The following KCNT2 variants were observed in gnomAD, a reference collection of about 807,000 sequenced individuals.
KCNT2 encodes the protein potassium channel subfamily T member 2.
KCNT2 carries 67 observed loss-of-function variants against 153.8 expected under a neutral mutation model. The ratio of observed to expected loss-of-function variants is 0.44; its 90% CI spans 0.36 to 0.53. The LOEUF (loss-of-function observed/expected upper bound fraction) is 0.53, where lower values mean the gene tolerates loss of function less well. Ranked by LOEUF, KCNT2 falls within the 20% of genes least tolerant of loss-of-function variation. The pLI is 0.00. For missense variants in KCNT2, 975 were observed against 1,354.8 expected, an observed-to-expected ratio of 0.72 and a Z score of 4.40; for synonymous variants, 500 against 458.8, an observed-to-expected ratio of 1.09 and a Z score of -1.15.
chr1:196,301,764 T>C (rs1225712381), intron 22 of KCNT2, among the ~76,000 whole-genome samples: 4 of 152,074 alleles, frequency 2.6e-5, no homozygotes, highest in Admixed American at 2.0e-4. Flanking sequence ...TTTAGAGACA[T>C]AGTCTCTCTC....
chr1:196,375,478 C>A (rs1262841959), intron 13 of KCNT2, among the ~76,000 whole-genome samples: 1 of 151,608 alleles, frequency 6.6e-6, no homozygotes, highest in Non-Finnish European at 1.5e-5. Context: ...GTATGTAAGT[C>A]ATTAATAAAA....
chr1:196,565,994 C>G (rs1016953399), intron 1 of KCNT2, among the ~76,000 whole-genome samples: 1 of 151,764 alleles, frequency 6.6e-6, no homozygotes, highest in Non-Finnish European at 1.5e-5. Context: ...AAATAAGTAT[C>G]TGAGATGAGA....
At chr1:196,350,785 A>G (rs1666607498) in intron 14 of KCNT2, among the ~76,000 whole-genome samples, 1 of 151,784 alleles carries the variant, frequency 6.6e-6, no homozygotes, top group African/African-American at 2.4e-5. Flanking sequence ...GCCCATGCCT[A>G]TGTCCTGAAT....
chr1:196,333,100 T>TA, intron 17 of KCNT2, among the ~76,000 whole-genome samples: 1 of 151,764 alleles, frequency 6.6e-6, no homozygotes, highest in Admixed American at 6.6e-5. Context: ...GCAAGTTTTT[T>TA]TTTTTTTTTG....
intron 8 of KCNT2, among the ~76,000 whole-genome samples, chr1:196,457,884 G>A (rs1305335234): frequency 6.6e-6 from 1 of 151,798 alleles, no homozygotes; most frequent in Non-Finnish European, 1.5e-5. Flanking sequence ...GCCTCAAAAT[G>A]CACCATTCAC....
chr1:196,566,923 A>G (rs1341946779), intron 1 of KCNT2, among the ~76,000 whole-genome samples: 1 of 152,136 alleles, frequency 6.6e-6, no homozygotes, highest in Non-Finnish European at 1.5e-5. Context: ...TTTTCATTAT[A>G]TACTTCAAAT....
At chr1:196,485,716 C>T (rs1256098123) in intron 3 of KCNT2, among the ~76,000 whole-genome samples, 1 of 151,446 alleles carries the variant, frequency 6.6e-6, no homozygotes, top group African/African-American at 2.4e-5. Context: ...TACCAGTTTC[C>T]TTAACATTAA....
chr1:196,323,736 T>A (rs1016717680), intron 19 of KCNT2, among the ~76,000 whole-genome samples: 1 of 151,938 alleles, frequency 6.6e-6, no homozygotes, highest in African/African-American at 2.4e-5. Flanking sequence ...CCGTTTCGAC[T>A]AATTTTTAAA....
intron 8 of KCNT2, among the ~76,000 whole-genome samples, chr1:196,444,736 T>C (rs1255509781): frequency 6.6e-6 from 1 of 151,366 alleles, no homozygotes; most frequent in Non-Finnish European, 1.5e-5. Context: ...CTGAAGACTC[T>C]AACAGCACAA....
chr1:196,438,396 A>G (rs1674919538), intron 8 of KCNT2, among the ~76,000 whole-genome samples: 1 of 151,866 alleles, frequency 6.6e-6, no homozygotes, highest in African/African-American at 2.4e-5. Context: ...CCATCCAGGG[A>G]TTAATGAGTA....
At chr1:196,336,814 C>T (rs1282844581) in intron 16 of KCNT2, among the ~76,000 whole-genome samples, 1 of 152,186 alleles carries the variant, frequency 6.6e-6, no homozygotes, top group Non-Finnish European at 1.5e-5. Flanking sequence ...ATGGTGTTGT[C>T]TTAATGCACT....
chr1:196,493,240 C>T (rs373578322), intron 1 of KCNT2, among the ~76,000 whole-genome samples: 15 of 150,198 alleles, frequency 1.0e-4, no homozygotes, highest in East Asian at 3.9e-4. Flanking sequence ...TTAATGTTTA[C>T]GCAAAAACAA....
At chr1:196,440,724 T>C (rs1266864739) in intron 8 of KCNT2, among the ~76,000 whole-genome samples, 1 of 151,828 alleles carries the variant, frequency 6.6e-6, no homozygotes, top group African/African-American at 2.4e-5. Context: ...TTTTCATGGA[T>C]ATCAAAATAT....
At chr1:196,562,877 A>T (rs1659607314) in intron 1 of KCNT2, among the ~76,000 whole-genome samples, 1 of 152,010 alleles carries the variant, frequency 6.6e-6, no homozygotes, top group South Asian at 2.1e-4. Context: ...TTTCTTTTCA[A>T]TTTAGCTAAA....
chr1:196,516,388 C>A (rs1382909517), intron 1 of KCNT2, among the ~76,000 whole-genome samples: 1 of 152,082 alleles, frequency 6.6e-6, no homozygotes, highest in Non-Finnish European at 1.5e-5. Context: ...TCACACGAGT[C>A]CCTGATCCCA....
intron 12 of KCNT2, among the ~76,000 whole-genome samples, chr1:196,404,694 T>C (rs1671688107): frequency 6.6e-6 from 1 of 151,508 alleles, no homozygotes; most frequent in Non-Finnish European, 1.5e-5. Context: ...CTGTGAACAA[T>C]TAACCCCATC....
chr1:196,266,457 C>T lies in KCNT2; in HGVS notation c.2911-7963G>A, dbSNP rs1657550886. Among the ~76,000 whole-genome samples, 3 of 152,150 alleles carry T rather than the reference C, an allele frequency of 2.0e-5. No individual in the cohort carries two copies. In the South Asian group the frequency reaches 6.2e-4, roughly 32 times the overall value. Reference sequence around the variant, plus strand: ...TGGCCTAAATACTCCATGGTCATAACAGATATTGTCTAAAAATATCCCATA... The same window carrying T: ...TGGCCTAAATACTCCATGGTCATAATAGATATTGTCTAAAAATATCCCATA... On this transcript the variant is annotated intron_variant, in intron 25 of 27. Coordinates refer to ENST00000294725, the MANE Select transcript of KCNT2 (RefSeq NM_198503.5).
chr1:196,416,642 G>A (rs556988427), intron 12 of KCNT2, among the ~76,000 whole-genome samples: 31 of 152,060 alleles, frequency 2.0e-4, no homozygotes, highest in South Asian at 1.5e-3. Context: ...GCTTCACTTG[G>A]CATGCCTTAT....
At chr1:196,305,896 T>A (rs962854888) in intron 21 of KCNT2, among the ~76,000 whole-genome samples, 2 of 152,116 alleles carry the variant, frequency 1.3e-5, no homozygotes, top group South Asian at 4.1e-4. Context: ...AAAGCATTGA[T>A]AGTGTTCCCC....
Sources: gnomAD v4.1 joint callset for allele counts (sites outside exome capture counted in the v4.1 genomes callset) on GRCh38, gnomAD v4.1.1 for gene constraint, MANE v1.5 for transcripts, NCBI Gene and HGNC (gene_info 2026-07-23, HGNC 2026-07-21) for gene names.